Variants in ABCB5 observed in about 807,000 individuals in gnomAD.
ABCB5 encodes the protein ATP-binding cassette sub-family B member 5.
In ABCB5, 155 loss-of-function variants were observed where a neutral mutation model predicts 144.2. The ratio of observed to expected loss-of-function variants is 1.08; its 90% CI spans 0.94 to 1.23. The LOEUF is 1.23. Among genes scored for constraint, ABCB5 ranks in the 50% most tolerant of loss-of-function variants. The probability of loss-of-function intolerance (pLI) is 0.00; values close to 1 mark genes in which losing one functional copy is unlikely to be tolerated. For missense variants in ABCB5, 1,830 were observed against 1,520.8 expected (o/e 1.20, Z -3.38); for synonymous variants, 610 against 528.6 (o/e 1.15, Z -2.11).
chr7:20,728,522 G>A (rs1428105709), intron 23 of ABCB5, 67 bp downstream of exon 23: 2 of 1,551,036 alleles, frequency 1.3e-6, no homozygotes, highest in African/African-American at 1.4e-5. Flanking sequence ...GAGAGGCTGA[G>A]GCGGGTGGAT....
At chr7:20,718,079 G>GT (rs377757870) in intron 20 of ABCB5, among the ~76,000 whole-genome samples, 17,234 of 140,238 alleles carry the variant, frequency 0.12, 1,778 homozygotes, top group African/African-American at 0.27. Flanking sequence ...TTTTTTTGTG[G>GT]TTTTTTTTTT....
In ABCB5 at chr7:20,753,464, G is replaced by T. The variant is rs981148783; in HGVS notation, c.3534G>T (p.Leu1178Phe). Residue 1178 changes from leucine (L) to phenylalanine (F), a missense_variant, in exon 27 of 28, where the codon TTG becomes TTT. Transcript: ENST00000404938. ...TTCTCCAAAAACCCAAAATTTTATT[G>T]TTGGATGAGGCCACTTCAGCCCTCG... Reference protein sequence around the residue: ...RALLQKPKILLLDEATSALDN... With the variant: ...RALLQKPKILFLDEATSALDN... 25 of 1,614,032 alleles carry T rather than the reference G, an allele frequency of 1.5e-5. No homozygotes were observed. Among genetic ancestry groups the T allele is most frequent in the Non-Finnish European group, 2.1e-5 (25 of 1,179,934 alleles).
At chr7:20,706,178 A>AT (rs1485839882) in intron 20 of ABCB5, among the ~76,000 whole-genome samples, 1 of 152,176 alleles carries the variant, frequency 6.6e-6, no homozygotes, top group African/African-American at 2.4e-5. Flanking sequence ...TAATTATCTG[A>AT]TTAACTTCTG....
chr7:20,631,488 G>T (rs1784037364), intron 4 of ABCB5, among the ~76,000 whole-genome samples: 1 of 152,038 alleles, frequency 6.6e-6, no homozygotes. Context: ...TTGTGTTATT[G>T]GTGAAATCAG....
intron 7 of ABCB5, 68 bp downstream of exon 7, chr7:20,643,700 G>C: frequency 6.4e-7 from 1 of 1,551,472 alleles, no homozygotes; most frequent in Non-Finnish European, 8.8e-7. Context: ...CACTGAGTTT[G>C]TTCAAAAATG....
At chr7:20,730,960 G>C (rs541013209) in intron 23 of ABCB5, among the ~76,000 whole-genome samples, 1 of 152,048 alleles carries the variant, frequency 6.6e-6, no homozygotes, top group Admixed American at 6.5e-5. Flanking sequence ...ACTAATGTAC[G>C]AGGTTTGATG....
intron 14 of ABCB5, among the ~76,000 whole-genome samples, chr7:20,676,201 T>C (rs370221076): frequency 1.8e-4 from 24 of 136,986 alleles, no homozygotes; most frequent in Non-Finnish European, 2.4e-4. Flanking sequence ...CACACACACA[T>C]ATGTATAAGA....
At chr7:20,730,960 G>A (rs541013209) in intron 23 of ABCB5, among the ~76,000 whole-genome samples, 6 of 152,166 alleles carry the variant, frequency 3.9e-5, no homozygotes, top group African/African-American at 9.6e-5. Context: ...ACTAATGTAC[G>A]AGGTTTGATG....
Position 20,637,912 on chromosome 7 carries a change from C to A in ABCB5, c.315-5272C>A, listed in dbSNP as rs185227849. Among the ~76,000 whole-genome samples, 147 of 152,244 alleles carry A rather than the reference C, an allele frequency of 9.7e-4. No homozygotes were observed. The Middle Eastern group carries it at 0.01, about 11-fold the overall frequency. On this transcript the variant is annotated intron_variant, in intron 5 of 27. Transcript: ENST00000404938. ...TCTTAATATGGGTGACTTTTGGAAT[C>A]AGAAAGCTAAGGCCTCAAGGGTGGC...
At position 20,626,567 on chromosome 7, in the gene ABCB5, G is replaced by A. The variant is rs563029385; in HGVS notation, c.64G>A (p.Glu22Lys). The change falls in exon 3 of 28, where the codon GAA (glutamate) becomes AAA (lysine). Residue 22 changes from glutamate to lysine, a missense_variant. By Grantham distance (56) the Glu-to-Lys change is moderately conservative. Transcript: ENST00000404938. ...ACTTTTATTTTCCAGAACTGCAGAA[G>A]AACAGCCAAAACTGAGAAAGGAAGC... ...ENYQRNGTAE[E>K]QPKLRKEAVG... 3.7e-6 allele frequency: 6 copies of A among 1,607,490 alleles called. No individual in the cohort carries two copies. Among genetic ancestry groups the A allele is most frequent in the South Asian group, 3.4e-5 (3 of 89,550 alleles).
intron 20 of ABCB5, among the ~76,000 whole-genome samples, chr7:20,720,215 C>A (rs1781815269): frequency 6.6e-6 from 1 of 152,140 alleles, no homozygotes; most frequent in African/African-American, 2.4e-5. Flanking sequence ...GGGACTTCCA[C>A]TGGCTACATC....
intron 19 of ABCB5, among the ~76,000 whole-genome samples, chr7:20,702,623 G>A (rs1786666310): frequency 1.3e-5 from 2 of 150,470 alleles, no homozygotes; most frequent in Non-Finnish European, 3.0e-5. Flanking sequence ...ATCCATTGAG[G>A]CTAACTAAAC....
intron 4 of ABCB5, among the ~76,000 whole-genome samples, chr7:20,630,367 T>C (rs1001775880): frequency 6.6e-6 from 1 of 152,108 alleles, no homozygotes; most frequent in Middle Eastern, 3.4e-3. Context: ...TACCTTCTTG[T>C]TTTCCAAAAA....
At chr7:20,739,201 A>G (rs1044916028) in intron 24 of ABCB5, 62 bp downstream of exon 24, 207 of 1,452,732 alleles carry the variant, frequency 1.4e-4, no homozygotes, top group Non-Finnish European at 1.8e-4. Context: ...ACTGGGGGCC[A>G]CTGAAGATGG....
chr7:20,683,839 G>A (rs556229970), intron 15 of ABCB5, among the ~76,000 whole-genome samples: 49 of 152,296 alleles, frequency 3.2e-4, no homozygotes, highest in African/African-American at 1.1e-3. Flanking sequence ...GTATCAAAAT[G>A]TGTCAATTTT....
At chr7:20,645,448 C>T (rs1333237974) in intron 7 of ABCB5, among the ~76,000 whole-genome samples, 5 of 152,114 alleles carry the variant, frequency 3.3e-5, no homozygotes, top group East Asian at 1.9e-4. Context: ...GCAGTATCCC[C>T]GCTGTTCCCT....
At chr7:20,658,854 G>C (rs1485701642) in intron 14 of ABCB5, among the ~76,000 whole-genome samples, 178 bp downstream of exon 14, 1 of 152,204 alleles carries the variant, frequency 6.6e-6, no homozygotes, top group African/African-American at 2.4e-5. Context: ...TTAGAGGACA[G>C]AAGGAGATGC....
intron 5 of ABCB5, among the ~76,000 whole-genome samples, chr7:20,640,809 A>G (rs548570520): frequency 8.5e-5 from 13 of 152,308 alleles, no homozygotes; most frequent in Admixed American, 2.0e-4. Context: ...ATGAGCATCA[A>G]TTGTATTTTC....
chr7:20,752,756 G>T (rs1297401522), intron 26 of ABCB5, among the ~76,000 whole-genome samples: 1 of 152,212 alleles, frequency 6.6e-6, no homozygotes, highest in East Asian at 1.9e-4. Flanking sequence ...CTGAGGCAGA[G>T]AATCGCTTGA....
Sources: allele counts gnomAD v4.1 joint callset (sites outside exome capture counted in the v4.1 genomes callset), GRCh38; gene constraint gnomAD v4.1.1; transcripts MANE v1.5; gene names NCBI Gene and HGNC (gene_info 2026-07-23, HGNC 2026-07-21).